SLC41A2: variants seen among roughly 807,000 people sequenced by gnomAD.
The protein encoded by SLC41A2 is SLC41A1-like 1.
In SLC41A2, 32 loss-of-function variants were observed where a neutral mutation model predicts 58.3. That is an observed-to-expected ratio of 0.55 (90% CI 0.41 to 0.74). SLC41A2 has a LOEUF of 0.74. SLC41A2 is among the 30% of genes least tolerant of loss of function. The probability of loss-of-function intolerance (pLI) is 0.00; values close to 1 mark genes in which losing one functional copy is unlikely to be tolerated. For missense variants in SLC41A2, 514 were observed against 680.6 expected (o/e 0.76, Z 2.72); for synonymous variants, 190 against 235.0 (o/e 0.81, Z 1.75).
chr12:104,920,708 A>G (rs1565902384), intron 2 of SLC41A2, among the ~76,000 whole-genome samples: 1 of 151,980 alleles, frequency 6.6e-6, no homozygotes, highest in Non-Finnish European at 1.5e-5. Context: ...GCGGATCACA[A>G]GGTCAGGAGA....
intron 10 of SLC41A2, among the ~76,000 whole-genome samples, chr12:104,814,726 G>A (rs2136216286): frequency 6.6e-6 from 1 of 152,194 alleles, no homozygotes; most frequent in South Asian, 2.1e-4. Context: ...GCAAATGCTT[G>A]GTTTATAGTA....
chr12:104,854,842 TG>T (rs1455889798), intron 8 of SLC41A2, among the ~76,000 whole-genome samples: 1 of 152,202 alleles, frequency 6.6e-6, no homozygotes, highest in African/African-American at 2.4e-5. Flanking sequence ...GGCTGTCAGT[TG>T]TAAGACCCTT....
chr12:104,853,914 T>TTATTTTTTTTATTA (rs2042910944), intron 8 of SLC41A2, among the ~76,000 whole-genome samples: 1 of 29,246 alleles, frequency 3.4e-5, no homozygotes. Context: ...CTGGCTGATT[T>TTATTTTTTTTATTA]TTTTTTTTTT....
At chr12:104,924,106 A>G (rs1185908006) in intron 2 of SLC41A2, among the ~76,000 whole-genome samples, 1 of 152,242 alleles carries the variant, frequency 6.6e-6, no homozygotes, top group Admixed American at 6.5e-5. Flanking sequence ...AACAGCTCCC[A>G]TAAATCTATA....
At chr12:104,850,500 G>A (rs891323045) in intron 8 of SLC41A2, among the ~76,000 whole-genome samples, 1 of 152,050 alleles carries the variant, frequency 6.6e-6, no homozygotes, top group Admixed American at 6.5e-5. Flanking sequence ...TTTGGCATTC[G>A]CTGCATTCTA....
chr12:104,827,136 C>T (rs934501192), intron 10 of SLC41A2, among the ~76,000 whole-genome samples: 2 of 152,154 alleles, frequency 1.3e-5, no homozygotes, highest in Non-Finnish European at 2.9e-5. Flanking sequence ...CTTCCTGGAG[C>T]GGCTAAGAGA....
At chr12:104,901,371 T>C (rs1246919146) in intron 3 of SLC41A2, among the ~76,000 whole-genome samples, 2 of 152,076 alleles carry the variant, frequency 1.3e-5, no homozygotes, top group African/African-American at 2.4e-5. Flanking sequence ...ACCTATAATA[T>C]CTACTATAAT....
rs10630032 is a variant in SLC41A2, at chr12:104,804,346, T to TCA, written c.*804_*805dup. The TCA allele has an allele frequency of 0.62, 92,415 of 149,586 alleles. 28,806 individuals are homozygous for TCA. Among genetic ancestry groups the TCA allele is most frequent in the Middle Eastern group, 0.7 (203 of 288 alleles). 9.3% of individuals were successfully genotyped at this position (149,586 alleles called of 1,614,324 possible). A position where few individuals can be genotyped will look rare whatever the true frequency, so the allele number is the denominator to read the frequency against. ...GTTCTTCATCAAAAGTCTCTCTCTCTCACACACACACACACACACATTCTC... is the reference window on the plus strand; with the variant it reads ...GTTCTTCATCAAAAGTCTCTCTCTCTCACACACACACACACACACACATTCTC... On this transcript the variant is annotated 3_prime_UTR_variant, in exon 11 of 11. Transcript: ENST00000258538.
intron 2 of SLC41A2, among the ~76,000 whole-genome samples, chr12:104,919,154 A>T (rs2046470597): frequency 6.6e-6 from 1 of 152,206 alleles, no homozygotes; most frequent in East Asian, 1.9e-4. Flanking sequence ...CTGGAGATTC[A>T]TCTAGGTTGT....
At chr12:104,837,756 A>G (rs1359757709) in intron 10 of SLC41A2, among the ~76,000 whole-genome samples, 1 of 152,194 alleles carries the variant, frequency 6.6e-6, no homozygotes, top group Non-Finnish European at 1.5e-5. Flanking sequence ...GGCCCGTGAC[A>G]ATAAGCATGA....
intron 2 of SLC41A2, among the ~76,000 whole-genome samples, chr12:104,918,627 T>TG (rs1328188381): frequency 8.8e-5 from 3 of 34,134 alleles, no homozygotes; most frequent in Non-Finnish European, 1.6e-4. Context: ...AGGAGATACA[T>TG]GAAAAAAAAA....
chr12:104,953,854 T>A (rs2048047488), intron 1 of SLC41A2, among the ~76,000 whole-genome samples: 2 of 152,246 alleles, frequency 1.3e-5, no homozygotes, highest in South Asian at 2.1e-4. Context: ...ACAACAGTAA[T>A]CCCAGTCTGA....
Position 104,845,963 on chromosome 12 carries a change from TACC to T in SLC41A2, c.1264_1266del (p.Gly422del), listed in dbSNP as rs1159627765. The stretch of plus-strand genomic sequence containing the variant: ...CTGCTAGCCTGAATGGCCACCAAAT[TACC>T]ACCAATACCTGAAACACAAGGAAAA... On this transcript the variant is annotated inframe_deletion, in exon 9 of 11. Coordinates refer to ENST00000258538, the MANE Select transcript of SLC41A2 (RefSeq NM_001352171.3). 1 of 1,612,838 alleles carries T rather than the reference TACC, an allele frequency of 6.2e-7. No individual in the cohort carries two copies. Among genetic ancestry groups the T allele is most frequent in the Non-Finnish European group, 8.5e-7 (1 of 1,179,370 alleles).
intron 7 of SLC41A2, among the ~76,000 whole-genome samples, chr12:104,863,199 A>G (rs1320841979): frequency 1.3e-5 from 2 of 152,238 alleles, no homozygotes; most frequent in Non-Finnish European, 2.9e-5. Context: ...GCACTCCGGG[A>G]GGCCGAAGTG....
At chr12:104,828,603 T>A (rs1426804605) in intron 10 of SLC41A2, among the ~76,000 whole-genome samples, 1 of 152,124 alleles carries the variant, frequency 6.6e-6, no homozygotes, top group African/African-American at 2.4e-5. Context: ...CCCTAGAGGT[T>A]TGAGCAGTGG....
At position 104,861,361 on chromosome 12, in the gene SLC41A2, G is replaced by GC; in HGVS notation, c.1184dup (p.Leu396ProfsTer23). 1 of 1,611,490 alleles carries GC rather than the reference G, an allele frequency of 6.2e-7. No individual in the cohort carries two copies. Among genetic ancestry groups the GC allele is most frequent in the Non-Finnish European group, 8.5e-7 (1 of 1,178,054 alleles). On this transcript the variant is annotated frameshift_variant, in exon 8 of 11. Transcript: ENST00000258538. LOFTEE classifies it high-confidence loss of function. ...CTGATACAGTTGTGTCCAGAATAAG[G>GC]CCCCCAATGCTGAAAGAGATAAAAT...
At chr12:104,881,056 G>A (rs1444944933) in intron 6 of SLC41A2, among the ~76,000 whole-genome samples, 1 of 152,128 alleles carries the variant, frequency 6.6e-6, no homozygotes, top group Non-Finnish European at 1.5e-5. Context: ...GGGTGTATGT[G>A]TCCAGGAATT....
intron 4 of SLC41A2, among the ~76,000 whole-genome samples, chr12:104,892,802 A>G (rs958903074): frequency 6.6e-6 from 1 of 152,206 alleles, no homozygotes; most frequent in African/African-American, 2.4e-5. Context: ...GGACATCTAC[A>G]TGCAGAAGAA....
intron 3 of SLC41A2, among the ~76,000 whole-genome samples, chr12:104,898,242 G>C (rs2045389327): frequency 6.6e-6 from 1 of 152,066 alleles, no homozygotes; most frequent in Admixed American, 6.5e-5. Flanking sequence ...TAAAATTTTT[G>C]AATCTGAATG....
Sources: gnomAD v4.1 joint callset for allele counts (sites outside exome capture counted in the v4.1 genomes callset) on GRCh38, gnomAD v4.1.1 for gene constraint, MANE v1.5 for transcripts, NCBI Gene and HGNC (gene_info 2026-07-23, HGNC 2026-07-21) for gene names.